TNRC6A: variants seen among roughly 807,000 people sequenced by gnomAD.
The protein encoded by TNRC6A is trinucleotide repeat containing adaptor 6A.
Under a neutral mutation model 221.2 loss-of-function variants are expected in TNRC6A, and 44 were observed. The observed-to-expected ratio is 0.20, with a 90% CI of 0.16 to 0.26. TNRC6A has a LOEUF of 0.26. TNRC6A is among the 10% of genes least tolerant of loss of function. The pLI, the probability that TNRC6A is intolerant of heterozygous loss-of-function variation, is 1.00. For missense variants in TNRC6A, 2,199 were observed against 2,404.4 expected (o/e 0.91, Z 1.79); for synonymous variants, 847 against 838.5 (o/e 1.01, Z -0.18).
intron 4 of TNRC6A, chr16:24,776,474 G>A (rs2057720043): frequency 1.0e-6 from 1 of 985,270 alleles, no homozygotes; most frequent in African/African-American, 1.7e-5. Flanking sequence ...TTGTTCTTGT[G>A]TTGTCTTCCA....
chr16:24,816,328 CA>C (rs68019317), intron 19 of TNRC6A: 40,726 of 103,166 alleles, frequency 0.39, 6,270 homozygotes, highest in Middle Eastern at 0.52. Flanking sequence ...GACTCTGTCT[CA>C]AAAAAAAAAA....
At position 24,790,330 on chromosome 16, in the gene TNRC6A, T is replaced by G; in HGVS notation, c.1688T>G (p.Phe563Cys). The part of the protein sequence containing the change: ...PGVNGPMGTN[F>C]QVNTNKGGGV... The stretch of plus-strand genomic sequence containing the variant: ...GTAAATGGTCCTATGGGCACTAACT[T>G]TCAAGTTAACACAAACAAAGGAGGT... The change falls in exon 6 of 25, where the codon TTT becomes TGT. Residue 563 changes from phenylalanine (F) to cysteine (C), a missense_variant. Coordinates refer to ENST00000395799, the MANE Select transcript of TNRC6A (RefSeq NM_014494.4). The G allele has an allele frequency of 6.2e-7, 1 of 1,614,188 alleles. No individual in the cohort carries two copies. The highest frequency in any genetic ancestry group is 8.5e-7 in the Non-Finnish European group (1 of 1,180,016).
At chr16:24,773,772 T>C (rs1436918121) in intron 4 of TNRC6A, among the ~76,000 whole-genome samples, 1 of 152,190 alleles carries the variant, frequency 6.6e-6, no homozygotes, top group Non-Finnish European at 1.5e-5. Context: ...TTATCCTTTA[T>C]AATGCTTTTC....
upstream of TNRC6A, among the ~76,000 whole-genome samples, chr16:24,728,725 T>C (rs1002060597): frequency 1.3e-5 from 2 of 152,232 alleles, no homozygotes; most frequent in African/African-American, 4.8e-5. Flanking sequence ...TATCTACATG[T>C]AGGTATGTAT....
In TNRC6A at chr16:24,794,724, A is replaced by G. The variant is rs766040560; in HGVS notation, c.3528+5A>G. Reference sequence around the variant, plus strand: ...ACAAAGAAAATGTCATCGAAGGTAAACATTTCAAGGGCAAAGCCCTTGAAA... The same window carrying G: ...ACAAAGAAAATGTCATCGAAGGTAAGCATTTCAAGGGCAAAGCCCTTGAAA... On this transcript the variant is annotated splice_donor_5th_base_variant and intron_variant, in intron 8 of 24. Coordinates refer to ENST00000395799, the MANE Select transcript of TNRC6A (RefSeq NM_014494.4). The G allele has an allele frequency of 6.2e-7, 1 of 1,605,262 alleles. No homozygotes were observed. The highest frequency in any genetic ancestry group is 2.2e-5 in the East Asian group (1 of 44,778).
At chr16:24,757,079 A>G (rs1422921433) in intron 3 of TNRC6A, among the ~76,000 whole-genome samples, 2 of 152,214 alleles carry the variant, frequency 1.3e-5, no homozygotes, top group Non-Finnish European at 2.9e-5. Context: ...CCCAGAAACA[A>G]ATGAAGTGTT....
chr16:24,710,308 A>C (rs1056608459), intron 2 of TNRC6A, among the ~76,000 whole-genome samples: 11 of 151,754 alleles, frequency 7.2e-5, no homozygotes, highest in Non-Finnish European at 1.6e-4. Flanking sequence ...CAACAAAATA[A>C]GAGTTCATTG....
In TNRC6A at chr16:24,791,771, A is replaced by G; in HGVS notation, c.3129A>G (p.Leu1043=). ...SDQQAQVHQL[L]TPASAISNKE... is the part of the protein sequence containing the mutation. ...AGCAAGCACAGGTACATCAGCTGCTAACGCCTGCAAGTGCCATCTCAAACA... is the reference window on the plus strand; with the variant it reads ...AGCAAGCACAGGTACATCAGCTGCTGACGCCTGCAAGTGCCATCTCAAACA... The change falls in exon 6 of 25, where the codon CTA becomes CTG. Residue 1043 remains leucine (L), a synonymous_variant. Transcript: ENST00000395799. 7.6e-6 allele frequency: 12 copies of G among 1,585,876 alleles called. No individual in the cohort carries two copies. Among genetic ancestry groups the G allele is most frequent in the Non-Finnish European group, 1.0e-5 (12 of 1,169,464 alleles).
intron 15 of TNRC6A, 43 bp from the exon 16 acceptor site, chr16:24,806,163 T>A (rs2058427406): frequency 6.2e-7 from 1 of 1,606,732 alleles, no homozygotes; most frequent in East Asian, 2.2e-5. Flanking sequence ...ACACACTTTG[T>A]AATGGTGTGA....
intron 23 of TNRC6A, 136 bp from the exon 24 acceptor site, chr16:24,822,738 C>A: frequency 8.1e-7 from 1 of 1,234,116 alleles, no homozygotes; most frequent in Non-Finnish European, 1.1e-6. Context: ...AGAGCAACGT[C>A]AGAGTGTCAG....
chr16:24,680,234 A>T (rs1236244446), intron 2 of TNRC6A, among the ~76,000 whole-genome samples: 1 of 151,904 alleles, frequency 6.6e-6, no homozygotes, highest in Non-Finnish European at 1.5e-5. Context: ...AGCCTGGGCA[A>T]CATAGCAAGA....
chr16:24,778,178 C>T (rs1596685065), intron 5 of TNRC6A: 6 of 437,516 alleles, frequency 1.4e-5, no homozygotes, highest in Non-Finnish European at 1.8e-5. Context: ...ATCCCGGTGC[C>T]CCCATATCCC....
rs146197305 is a variant in TNRC6A at position 24,656,900 on chromosome 16, A to G, written n.402+15891A>G. Among the ~76,000 whole-genome samples the G allele has an allele frequency of 4.9e-4, 75 of 152,316 alleles. No homozygotes were observed. The East Asian group carries it at 0.014, about 28-fold the overall frequency. On this transcript the variant is annotated intron_variant and non_coding_transcript_variant, in intron 2 of 2. Coordinates refer to the TNRC6A transcript ENST00000566108. ...AAGAAGTATGAAAAAGAACAAAATG[A>G]CCCAAAGTAGCAGGTAGACAGAATC...
intron 2 of TNRC6A, among the ~76,000 whole-genome samples, chr16:24,705,295 A>G (rs2056074103): frequency 1.3e-5 from 2 of 152,002 alleles, no homozygotes; most frequent in African/African-American, 4.8e-5. Flanking sequence ...GGCCTCTCAA[A>G]CTCTATCTTA....
intron 12 of TNRC6A, 48 bp from the exon 13 acceptor site, chr16:24,804,657 A>G: frequency 6.5e-7 from 1 of 1,536,306 alleles, no homozygotes; most frequent in Non-Finnish European, 8.7e-7. Flanking sequence ...TCTCCCTTCC[A>G]CTTGTTTGCT....
At chr16:24,645,194 G>T (rs1394621139) in intron 2 of TNRC6A, among the ~76,000 whole-genome samples, 1 of 152,184 alleles carries the variant, frequency 6.6e-6, no homozygotes, top group Non-Finnish European at 1.5e-5. Context: ...TGAAGCAAAA[G>T]CATATCAGTT....
Position 24,669,941 on chromosome 16 carries a change from CTTTTTTTTT to C in TNRC6A, n.402+28951_402+28959del, listed in dbSNP as rs535737725. 1.8e-3 allele frequency among the ~76,000 whole-genome samples: 48 copies of C among 27,188 alleles called. 4 individuals carry two copies. The highest frequency in any genetic ancestry group is 3.4e-3 in the Admixed American group (5 of 1,472). 17.8% of individuals were successfully genotyped at this position (27,188 alleles called of 152,430 possible). ...TCGTTATGACCCTATGAGGCAGCTA[CTTTTTTTTT>C]TTTTTTTTTTTTTTTTTTAGACAGA... On this transcript the variant is annotated intron_variant and non_coding_transcript_variant, in intron 2 of 2. Coordinates refer to the TNRC6A transcript ENST00000566108.
At chr16:24,739,379 T>G (rs963540439) in intron 2 of TNRC6A, among the ~76,000 whole-genome samples, 2 of 152,166 alleles carry the variant, frequency 1.3e-5, no homozygotes, top group African/African-American at 4.8e-5. Context: ...GGTGATATTT[T>G]TTGTCATTGA....
chr16:24,747,513 T>C (rs1026908761), intron 2 of TNRC6A, among the ~76,000 whole-genome samples: 7 of 152,194 alleles, frequency 4.6e-5, no homozygotes, highest in Non-Finnish European at 1.0e-4. Flanking sequence ...CACTTAGGCC[T>C]TTCAAATCCA....
Sources: allele counts gnomAD v4.1 joint callset (sites outside exome capture counted in the v4.1 genomes callset), GRCh38; gene constraint gnomAD v4.1.1; transcripts MANE v1.5; gene names NCBI Gene and HGNC (gene_info 2026-07-23, HGNC 2026-07-21).